Variants in CSF2RB observed in about 807,000 individuals in gnomAD.
CSF2RB encodes the protein cytokine receptor common subunit beta.
A neutral mutation model predicts 67.2 loss-of-function variants in CSF2RB; 22 were observed. The observed-to-expected ratio is 0.33, with a 90% CI of 0.23 to 0.47. The LOEUF (loss-of-function observed/expected upper bound fraction) is 0.47, where lower values mean the gene tolerates loss of function less well. Among genes scored for constraint, CSF2RB ranks in the 20% least tolerant of loss-of-function variants. The pLI, the probability that CSF2RB is intolerant of heterozygous loss-of-function variation, is 1.00. For synonymous variants in CSF2RB, 507 were observed against 482.9 expected (o/e 1.05, Z -0.65); for missense variants, 1,113 against 1,174.5 (o/e 0.95, Z 0.76).
chr22:36,929,576 G>A lies in CSF2RB; in HGVS notation c.549+17G>A, dbSNP rs1224615920. 6.2e-7 allele frequency: 1 copy of A among 1,614,162 alleles called. No individual in the cohort carries two copies. The highest frequency in any genetic ancestry group is 1.7e-5 in the Admixed American group (1 of 60,026). ...TCTTGGGAGGTAGGAACCACGGCCA[G>A]CTCTGCCCCAGCCCGAAGGGATGGG... On this transcript the variant is annotated intron_variant, in intron 5 of 13. Coordinates refer to ENST00000403662, the MANE Select transcript of CSF2RB (RefSeq NM_000395.3).
chr22:36,925,016 T>G (rs1940978325), intron 3 of CSF2RB, among the ~76,000 whole-genome samples: 1 of 152,206 alleles, frequency 6.6e-6, no homozygotes, highest in Non-Finnish European at 1.5e-5. Context: ...CCTCTCCACC[T>G]GTCACTTAGA....
intron 3 of CSF2RB, chr22:36,923,904 GC>G (rs942625396): frequency 8.6e-5 from 62 of 720,436 alleles, no homozygotes; most frequent in Non-Finnish European, 1.1e-4. Context: ...GCTCTCCCAG[GC>G]CCCCCCTCCG....
In CSF2RB at chr22:36,930,765, A is replaced by G; in HGVS notation, c.947A>G (p.His316Arg). 1 of 1,613,956 alleles carries G rather than the reference A, an allele frequency of 6.2e-7. No individual in the cohort carries two copies. The highest frequency in any genetic ancestry group is 1.1e-5 in the South Asian group (1 of 91,078). ...ATTCCCGTGCCCGACCCCGCGACCC[A>G]CGGCCAATACATCGTCTCTGTTCAG... is the stretch of plus-strand genomic sequence containing the variant. ...CQIPVPDPAT[H>R]GQYIVSVQPR... The change falls in exon 8 of 14, where the codon CAC (histidine) becomes CGC (arginine). Residue 316 changes from histidine (H) to arginine (R), a missense_variant. Around this residue, in one of 2 missense-constraint regions of CSF2RB, gnomAD observed 559 missense variants for 656.5 expected, o/e 0.85. Transcript: ENST00000403662.
In CSF2RB at chr22:36,933,826, C is replaced by T. The variant is rs369285097; in HGVS notation, c.1153-6C>T. On this transcript the variant is annotated splice_polypyrimidine_tract_variant and splice_region_variant and intron_variant, in intron 9 of 13. Transcript: ENST00000403662. ...GCCAGGCCTCACCCTCAGTGCCAAC[C>T]CACAGGACAGCAAGACCGAGACCCT... 1 of 1,605,018 alleles carries T rather than the reference C, an allele frequency of 6.2e-7. No homozygotes were observed. The highest frequency in any genetic ancestry group is 8.5e-7 in the Non-Finnish European group (1 of 1,178,518).
intron 4 of CSF2RB, among the ~76,000 whole-genome samples, chr22:36,927,578 G>A (rs1167048662): frequency 6.6e-6 from 1 of 152,202 alleles, no homozygotes; most frequent in Non-Finnish European, 1.5e-5. Flanking sequence ...GGGAGCATCA[G>A]CTTCAAGGGC....
At chr22:36,923,064 C>T (rs1304048043) in intron 2 of CSF2RB, among the ~76,000 whole-genome samples, 180 bp from the exon 3 acceptor site, 2 of 152,162 alleles carry the variant, frequency 1.3e-5, no homozygotes, top group African/African-American at 2.4e-5. Flanking sequence ...GAGGAGGGTC[C>T]GCAACCAGGA....
chr22:36,929,495 A>G lies in CSF2RB; in HGVS notation c.485A>G (p.His162Arg). 1 of 1,614,144 alleles carries G rather than the reference A, an allele frequency of 6.2e-7. No individual in the cohort carries two copies. Among genetic ancestry groups the G allele is most frequent in the Admixed American group, 1.7e-5 (1 of 60,022 alleles). ...WSVALGSPQS[H>R]WLSPGDLEFE... ...GTGGCCCTTGGGAGTCCCCAGAGCC[A>G]CTGGTTGTCCCCAGGGGATCTGGAG... Residue 162 changes from histidine (H) to arginine (R), a missense_variant, in exon 5 of 14, where the codon CAC becomes CGC. Coordinates refer to ENST00000403662, the MANE Select transcript of CSF2RB (RefSeq NM_000395.3).
chr22:36,936,462 A>G, intron 12 of CSF2RB, 87 bp from the exon 13 acceptor site: 2 of 1,017,036 alleles, frequency 2.0e-6, no homozygotes, highest in African/African-American at 1.6e-5. Flanking sequence ...GGGCTCCTTG[A>G]ATCCTCCTGC....
At position 36,937,961 on chromosome 22, in the gene CSF2RB, T is replaced by C; in HGVS notation, c.2153T>C (p.Val718Ala). Residue 718 changes from valine to alanine, a missense_variant, in exon 14 of 14, where the codon GTA (valine) becomes GCA (alanine). Around this residue, in one of 2 missense-constraint regions of CSF2RB, gnomAD observed 554 missense variants for 517.9 expected, o/e 1.07. Coordinates refer to ENST00000403662, the MANE Select transcript of CSF2RB (RefSeq NM_000395.3). This position sits in a 1 kb window ranked among gnomAD's most constrained non-coding sequence, Gnocchi z 4.6. ...GGTTATGTCTCCTCTGCAGACCTGG[T>C]ATTCACCCCAAACTCAGGGGCCTCG... ...ASGYVSSADLVFTPNSGASSV... is the reference protein window; with the variant it reads ...ASGYVSSADLAFTPNSGASSV... 1 of 1,614,100 alleles carries C rather than the reference T, an allele frequency of 6.2e-7. No individual in the cohort carries two copies.
chr22:36,929,043 G>A (rs1941086709), intron 4 of CSF2RB, among the ~76,000 whole-genome samples: 1 of 152,196 alleles, frequency 6.6e-6, no homozygotes, highest in South Asian at 2.1e-4. Flanking sequence ...GCAGGAGGGG[G>A]GAGGCCGCTG....
chr22:36,930,495 C>T lies in CSF2RB; in HGVS notation c.839C>T (p.Pro280Leu). 1 of 1,613,554 alleles carries T rather than the reference C, an allele frequency of 6.2e-7. No individual in the cohort carries two copies. Among genetic ancestry groups the T allele is most frequent in the Non-Finnish European group, 8.5e-7 (1 of 1,180,002 alleles). ...SSVSFGLFYKPSPDAGEEECS... is the reference protein window; with the variant it reads ...SSVSFGLFYKLSPDAGEEECS... ...GTCTCCTTTGGCCTATTCTACAAGC[C>T]CAGCCCAGATGCAGGGTGAGCATCT... The change falls in exon 7 of 14, where the codon CCC (proline) becomes CTC (leucine). Residue 280 changes from proline (P) to leucine (L), a missense_variant. Physicochemically the swap from Pro to Leu is moderately conservative, Grantham distance 98. Around this residue, in one of 2 missense-constraint regions of CSF2RB, gnomAD observed 559 missense variants for 656.5 expected, o/e 0.85. Coordinates refer to ENST00000403662, the MANE Select transcript of CSF2RB (RefSeq NM_000395.3).
chr22:36,916,456 C>T (rs1360391153), intron 1 of CSF2RB, among the ~76,000 whole-genome samples: 2 of 152,142 alleles, frequency 1.3e-5, no homozygotes, highest in East Asian at 1.9e-4. Context: ...ATACATACTT[C>T]GTTATTTTCT....
At position 36,937,640 on chromosome 22, in the gene CSF2RB, C is replaced by A; in HGVS notation, c.1832C>A (p.Pro611His). 6.4e-7 allele frequency: 1 copy of A among 1,558,914 alleles called. No individual in the cohort carries two copies. The highest frequency in any genetic ancestry group is 8.7e-7 in the Non-Finnish European group (1 of 1,150,990). ...SLPDILGQPEPPQEGGSQKSP... is the reference protein window; with the variant it reads ...SLPDILGQPEHPQEGGSQKSP... ...CCTGACATCCTGGGCCAGCCGGAGC[C>A]CCCACAGGAGGGTGGGAGCCAGAAG... The change falls in exon 14 of 14, where the codon CCC becomes CAC. Residue 611 changes from proline (P) to histidine (H), a missense_variant. Physicochemically the swap from Pro to His is moderately conservative, Grantham distance 77 (BLOSUM62 -2). Transcript: ENST00000403662. The surrounding 1 kb of genome is among the most constrained non-coding windows in gnomAD (Gnocchi z 4.6).
Position 36,935,701 on chromosome 22 carries a change from G to T in CSF2RB, c.1464+14G>T. 2 of 1,612,054 alleles carry T rather than the reference G, an allele frequency of 1.2e-6. No individual in the cohort carries two copies. The highest frequency in any genetic ancestry group is 2.2e-5 in the East Asian group (1 of 44,790). Reference sequence around the variant, plus strand: ...CACCTGTTCCAGGTAGGAACTGGCTGCGAGGGGCGGAGTGGGGGCTTCTCT... The same window carrying T: ...CACCTGTTCCAGGTAGGAACTGGCTTCGAGGGGCGGAGTGGGGGCTTCTCT... On this transcript the variant is annotated intron_variant, in intron 12 of 13. Transcript: ENST00000403662.
intron 1 of CSF2RB, among the ~76,000 whole-genome samples, chr22:36,918,431 G>A (rs1471478982): frequency 3.3e-5 from 5 of 151,840 alleles, no homozygotes; most frequent in Admixed American, 2.6e-4. Context: ...TCTTCTGGAA[G>A]CATTTCTGGG....
chr22:36,936,079 G>A (rs1941259973), intron 12 of CSF2RB, among the ~76,000 whole-genome samples: 1 of 152,198 alleles, frequency 6.6e-6, no homozygotes, highest in African/African-American at 2.4e-5. Context: ...AAGTTGCTCT[G>A]GCTCAGGGCA....
chr22:36,913,742 T>A (rs1168802429), intron 1 of CSF2RB, 65 bp downstream of exon 1: 5 of 150,604 alleles, frequency 3.3e-5, no homozygotes, highest in African/African-American at 1.2e-4. Context: ...ATGTGGGGAG[T>A]CCAGGATGAA....
rs1163657892 is a variant in CSF2RB at position 36,925,975 on chromosome 22, C to T, written c.201-12C>T. On this transcript the variant is annotated splice_polypyrimidine_tract_variant and intron_variant, in intron 3 of 13. Coordinates refer to ENST00000403662, the MANE Select transcript of CSF2RB (RefSeq NM_000395.3). ...CATACACCCTGGGCTAAGCCGTGTCCTCTCCCAACAGGGACCTCCTGGAGC... is the reference window on the plus strand; with the variant it reads ...CATACACCCTGGGCTAAGCCGTGTCTTCTCCCAACAGGGACCTCCTGGAGC... The T allele has an allele frequency of 6.2e-7, 1 of 1,614,182 alleles. No individual in the cohort carries two copies. Among genetic ancestry groups the T allele is most frequent in the African/African-American group, 1.3e-5 (1 of 75,050 alleles).
intron 4 of CSF2RB, among the ~76,000 whole-genome samples, chr22:36,927,683 G>A (rs986133054): frequency 1.3e-5 from 2 of 152,194 alleles, no homozygotes; most frequent in African/African-American, 2.4e-5. Context: ...GGACCCTCTA[G>A]GCATGGAGAG....
Sources: allele counts gnomAD v4.1 joint callset (sites outside exome capture counted in the v4.1 genomes callset), GRCh38; gene constraint gnomAD v4.1.1; regional missense constraint gnomAD v4.1.1; non-coding constraint Gnocchi (gnomAD v3.1); transcripts MANE v1.5; gene names NCBI Gene and HGNC (gene_info 2026-07-23, HGNC 2026-07-21).